Variants in HDAC9 observed in about 807,000 individuals in gnomAD.
The protein encoded by HDAC9 is histone deacetylase 9.
Under a neutral mutation model 139.4 loss-of-function variants are expected in HDAC9, and 41 were observed. The observed-to-expected ratio is 0.29, with a 90% CI of 0.23 to 0.38. The LOEUF (loss-of-function observed/expected upper bound fraction) is 0.38. Ranked by LOEUF, HDAC9 falls within the 10% of genes least tolerant of loss-of-function variation. The pLI is 1.00. For synonymous variants in HDAC9, 517 were observed against 476.2 expected, an observed-to-expected ratio of 1.09 and a Z score of -1.12; for missense variants, 1,147 against 1,297.0, an observed-to-expected ratio of 0.88 and a Z score of 1.78.
chr7:18,466,106 G>T (rs1240330672), intron 1 of HDAC9, among the ~76,000 whole-genome samples: 1 of 152,204 alleles, frequency 6.6e-6, no homozygotes, highest in Non-Finnish European at 1.5e-5. Context: ...TCAATTCTTT[G>T]TCTAAGAATG....
chr7:18,201,098 A>T (rs1791085349), intron 2 of HDAC9, among the ~76,000 whole-genome samples: 2 of 152,106 alleles, frequency 1.3e-5, no homozygotes, highest in South Asian at 2.1e-4. Context: ...CACTGTTAGG[A>T]TGGAACTCGT....
At chr7:18,769,856 C>T (rs531927744) in intron 16 of HDAC9, among the ~76,000 whole-genome samples, 1 of 152,224 alleles carries the variant, frequency 6.6e-6, no homozygotes, top group African/African-American at 2.4e-5. Context: ...TTGGAAATTA[C>T]CGAAATGACT....
chr7:18,651,592 A>T (rs1789278158), intron 11 of HDAC9, among the ~76,000 whole-genome samples: 1 of 152,166 alleles, frequency 6.6e-6, no homozygotes, highest in Non-Finnish European at 1.5e-5. Flanking sequence ...TTTTAGGGGC[A>T]TGGGTGATGC....
chr7:18,893,706 CAT>C (rs1176220318), intron 22 of HDAC9, among the ~76,000 whole-genome samples: 1 of 152,094 alleles, frequency 6.6e-6, no homozygotes, highest in Admixed American at 6.6e-5. Flanking sequence ...AGTAAGCAAA[CAT>C]AGAGTACATT....
At chr7:18,741,497 A>T (rs1472294043) in intron 13 of HDAC9, among the ~76,000 whole-genome samples, 1 of 152,144 alleles carries the variant, frequency 6.6e-6, no homozygotes, top group Admixed American at 6.5e-5. Context: ...GGGGGAAAAA[A>T]AGTTCCCTTT....
At position 18,836,010 on chromosome 7, in the gene HDAC9, T is replaced by G; in HGVS notation, c.2684+13T>G. 1 of 1,485,412 alleles carries G rather than the reference T, an allele frequency of 6.7e-7. No homozygotes were observed. Among genetic ancestry groups the G allele is most frequent in the Non-Finnish European group, 9.1e-7 (1 of 1,094,974 alleles). 92.0% of individuals were successfully genotyped at this position (1,485,412 alleles called of 1,614,324 possible). A position where few individuals can be genotyped will look rare whatever the true frequency, so the allele number is the denominator to read the frequency against. On this transcript the variant is annotated intron_variant, in intron 21 of 25. Transcript: ENST00000686413. ...TTGAAGCATTCAGGTTGGTACTTCT[T>G]TCTCTCTGAAAGTGGCAAATTGGAA...
At chr7:18,131,371 G>C (rs548858429) in intron 1 of HDAC9, among the ~76,000 whole-genome samples, 12 of 152,148 alleles carry the variant, frequency 7.9e-5, no homozygotes, top group Non-Finnish European at 1.5e-4. Context: ...GATATCTGCA[G>C]TCTGCTGAAA....
At chr7:18,639,157 C>A (rs545034569) in intron 8 of HDAC9, among the ~76,000 whole-genome samples, 1 of 152,188 alleles carries the variant, frequency 6.6e-6, no homozygotes, top group Admixed American at 6.5e-5. Flanking sequence ...GTTCTAAAAT[C>A]ATCTGTAATG....
intron 1 of HDAC9, among the ~76,000 whole-genome samples, chr7:18,343,844 T>A (rs1322736627): frequency 6.6e-6 from 1 of 151,874 alleles, no homozygotes; most frequent in Non-Finnish European, 1.5e-5. Context: ...AAAAGAATCA[T>A]AGTATTGTTT....
intron 23 of HDAC9, among the ~76,000 whole-genome samples, chr7:18,952,033 T>C (rs974860595): frequency 1.3e-5 from 2 of 151,956 alleles, no homozygotes; most frequent in Non-Finnish European, 1.5e-5. Context: ...ATTTCTGAAT[T>C]CAGCTCTGTC....
chr7:18,557,485 A>C (rs916604419), intron 2 of HDAC9, among the ~76,000 whole-genome samples: 2 of 150,876 alleles, frequency 1.3e-5, no homozygotes, highest in African/African-American at 4.8e-5. Flanking sequence ...TGTTTCATCT[A>C]TAATATATAG....
chr7:18,194,528 G>C (rs1790596568), intron 2 of HDAC9, among the ~76,000 whole-genome samples: 1 of 152,134 alleles, frequency 6.6e-6, no homozygotes, highest in African/African-American at 2.4e-5. Flanking sequence ...AACCATGGTA[G>C]GTGCTATGAA....
intron 2 of HDAC9, among the ~76,000 whole-genome samples, chr7:18,571,404 C>T (rs373391364): frequency 1.1e-4 from 17 of 152,256 alleles, no homozygotes; most frequent in East Asian, 3.9e-4. Context: ...AAAGGAATAG[C>T]GGAGGAAGTG....
intron 1 of HDAC9, among the ~76,000 whole-genome samples, chr7:18,150,554 T>A (rs1243884460): frequency 6.6e-6 from 1 of 152,186 alleles, no homozygotes; most frequent in Non-Finnish European, 1.5e-5. Context: ...GAATCTTCTC[T>A]TATCTCTGGA....
intron 2 of HDAC9, among the ~76,000 whole-genome samples, chr7:18,519,386 T>C (rs1451581390): frequency 6.6e-6 from 1 of 152,144 alleles, no homozygotes; most frequent in Non-Finnish European, 1.5e-5. Context: ...GAGGTTAATA[T>C]CTATAAAGCA....
chr7:18,367,932 T>C (rs966960289), intron 1 of HDAC9, among the ~76,000 whole-genome samples: 1 of 152,128 alleles, frequency 6.6e-6, no homozygotes, highest in African/African-American at 2.4e-5. Flanking sequence ...TTGAGTATCT[T>C]TTGAAACTTA....
chr7:18,472,516 T>C (rs1223837916), intron 1 of HDAC9, among the ~76,000 whole-genome samples: 3 of 152,232 alleles, frequency 2.0e-5, no homozygotes, highest in Non-Finnish European at 4.4e-5. Context: ...AAAAGCATCA[T>C]GTATACTTCT....
chr7:18,775,006 TA>T lies in HDAC9; in HGVS notation c.2214+7853del, dbSNP rs551004232. 1.7e-3 allele frequency among the ~76,000 whole-genome samples: 253 copies of T among 152,110 alleles called. 2 individuals are homozygous for T. The highest frequency in any genetic ancestry group is 6.0e-3 in the African/African-American group (248 of 41,520). On this transcript the variant is annotated intron_variant, in intron 16 of 25. Coordinates refer to ENST00000686413, the MANE Select transcript of HDAC9 (RefSeq NM_178425.4). ...GACTTAGAGGCTATCGTAGGGTTAT[TA>T]ACTTGTCTAATTTCAATATTCCTGA...
Position 18,769,572 on chromosome 7 carries a change from G to C in HDAC9, c.2214+2417G>C, listed in dbSNP as rs776343364. On this transcript the variant is annotated intron_variant, in intron 16 of 25. Transcript: ENST00000686413. ...GGTGTGAATGTGTGTGTGTGTGTGT[G>C]CAAGTTTGCACTTGCTGATGCTCTT... 2.0e-5 allele frequency among the ~76,000 whole-genome samples: 3 copies of C among 150,404 alleles called. No homozygotes were observed. In the East Asian group the frequency reaches 5.8e-4, roughly 29 times the overall value.
Sources: gnomAD v4.1 joint callset for allele counts (sites outside exome capture counted in the v4.1 genomes callset) on GRCh38, gnomAD v4.1.1 for gene constraint, MANE v1.5 for transcripts, NCBI Gene and HGNC (gene_info 2026-07-23, HGNC 2026-07-21) for gene names.